The following TENM3 variants were observed in gnomAD, a reference collection of about 807,000 sequenced individuals.
TENM3 encodes the protein teneurin transmembrane protein 3, also known as teneurin-3.
A neutral mutation model predicts 255.1 loss-of-function variants in TENM3; 63 were observed. The observed-to-expected ratio is 0.25, with a 90% confidence interval of 0.20 to 0.30. The LOEUF is 0.30. Ranked by LOEUF, TENM3 falls within the 10% of genes least tolerant of loss-of-function variation. The pLI is 1.00. For synonymous variants in TENM3, 1,306 were observed against 1,322.3 expected (o/e 0.99, Z 0.27); for missense variants, 2,929 against 3,461.1 (o/e 0.85, Z 3.86).
At chr4:181,500,229 A>G in the TENM3 span, among the ~76,000 whole-genome samples, 3 of 151,680 alleles carry the variant, frequency 2.0e-5, no homozygotes, top group Admixed American at 6.6e-5. Context: ...GGGTTTCATC[A>G]TATTGGTCAG....
the TENM3 span, among the ~76,000 whole-genome samples, chr4:181,467,118 TATATA>T: frequency 3.0e-5 from 2 of 66,372 alleles, no homozygotes; most frequent in African/African-American, 1.1e-4. Flanking sequence ...TATATATATA[TATATA>T]TATTTTTTTT....
At chr4:181,834,568 G>A in the TENM3 span, among the ~76,000 whole-genome samples, 1 of 152,150 alleles carries the variant, frequency 6.6e-6, no homozygotes, top group South Asian at 2.1e-4. Flanking sequence ...CACCTCACCA[G>A]GACAAACTCA....
the TENM3 span, among the ~76,000 whole-genome samples, chr4:181,838,974 T>G: frequency 6.6e-6 from 1 of 151,808 alleles, no homozygotes; most frequent in African/African-American, 2.4e-5. Context: ...TAGTCTTCTT[T>G]TCTAATATAA....
chr4:182,332,873 A>G (rs1763872187), intron 2 of TENM3, among the ~76,000 whole-genome samples: 1 of 152,196 alleles, frequency 6.6e-6, no homozygotes, highest in Non-Finnish European at 1.5e-5. Flanking sequence ...CTGATTAAGA[A>G]ATAATGAGAA....
At chr4:181,905,932 A>G in the TENM3 span, 4 of 570,674 alleles carry the variant, frequency 7.0e-6, no homozygotes, top group South Asian at 4.5e-5. Context: ...CATTGCTCCA[A>G]CTTCGGTTTC....
chr4:182,214,098 A>G (rs181142413), intron 1 of TENM3, among the ~76,000 whole-genome samples: 36 of 151,994 alleles, frequency 2.4e-4, no homozygotes, highest in Admixed American at 5.9e-4. Flanking sequence ...CACCGCGCCT[A>G]GCCAGAAATG....
intron 5 of TENM3, among the ~76,000 whole-genome samples, chr4:182,633,235 G>A (rs558932625): frequency 4.0e-4 from 61 of 152,238 alleles, no homozygotes; most frequent in African/African-American, 1.3e-3. Context: ...GTGCCCAGCC[G>A]AGGATTTTTA....
intron 1 of TENM3, among the ~76,000 whole-genome samples, chr4:182,313,969 A>T (rs28727907): frequency 0.074 from 11,341 of 152,256 alleles, 501 homozygotes; most frequent in East Asian, 0.13. Context: ...TTATACAATT[A>T]TAAATACATT....
chr4:182,335,852 C>G (rs999201471), intron 2 of TENM3, among the ~76,000 whole-genome samples: 1 of 152,012 alleles, frequency 6.6e-6, no homozygotes, highest in Non-Finnish European at 1.5e-5. Flanking sequence ...AGATAAACAG[C>G]CCAATGGGAA....
chr4:181,591,861 G>C, the TENM3 span, among the ~76,000 whole-genome samples: 1 of 152,032 alleles, frequency 6.6e-6, no homozygotes, highest in Non-Finnish European at 1.5e-5. Flanking sequence ...GACTGCTGCA[G>C]TGTAGAATGC....
intron 3 of TENM3, among the ~76,000 whole-genome samples, chr4:182,541,645 G>C (rs748538411): frequency 6.6e-6 from 1 of 152,144 alleles, no homozygotes; most frequent in African/African-American, 2.4e-5. Flanking sequence ...CTCATTACTA[G>C]CAATTCAGCA....
the TENM3 span, among the ~76,000 whole-genome samples, chr4:181,507,474 C>T: frequency 6.6e-6 from 1 of 152,276 alleles, no homozygotes; most frequent in Non-Finnish European, 1.5e-5. Flanking sequence ...CTTTTTCTGC[C>T]GGCACATATT....
chr4:182,754,914 C>T lies in TENM3; in HGVS notation c.4547C>T (p.Pro1516Leu). The T allele has an allele frequency of 1.2e-6, 2 of 1,614,010 alleles. No homozygotes were observed. Among genetic ancestry groups the T allele is most frequent in the Non-Finnish European group, 8.5e-7 (1 of 1,179,896 alleles). Residue 1516 changes from proline to leucine, a missense_variant, in exon 22 of 28, where the codon CCA (proline) becomes CTA (leucine). This residue lies in a region of TENM3 where 1,608 missense variants were observed against 1,884.4 expected (regional missense o/e 0.85). Coordinates refer to ENST00000511685, the MANE Select transcript of TENM3 (RefSeq NM_001080477.4). The surrounding 1 kb of genome is among the most constrained non-coding windows in gnomAD (Gnocchi z 5.1). ...NSMNFYEVAS[P>L]TDQELYIFDI... ...ATGAACTTCTATGAAGTTGCGTCTC[C>T]AACTGATCAAGAACTCTACATCTTT...
At chr4:181,582,382 C>A in the TENM3 span, among the ~76,000 whole-genome samples, 1 of 152,088 alleles carries the variant, frequency 6.6e-6, no homozygotes, top group Non-Finnish European at 1.5e-5. Context: ...ATCTGAATTG[C>A]CTGATACTGA....
chr4:181,872,114 T>C, the TENM3 span, among the ~76,000 whole-genome samples: 11 of 152,176 alleles, frequency 7.2e-5, no homozygotes, highest in African/African-American at 2.2e-4. Context: ...CTTTTGTGTT[T>C]TCTTAAATAA....
At chr4:181,533,297 C>T in the TENM3 span, among the ~76,000 whole-genome samples, 1 of 152,174 alleles carries the variant, frequency 6.6e-6, no homozygotes. Flanking sequence ...TTACAGGCCA[C>T]TGACCTATTG....
At chr4:181,885,258 G>C in the TENM3 span, among the ~76,000 whole-genome samples, 1 of 152,158 alleles carries the variant, frequency 6.6e-6, no homozygotes, top group Non-Finnish European at 1.5e-5. Context: ...ACTTTAAAGA[G>C]ATTCAAGTTT....
chr4:182,510,247 G>C (rs12648747), intron 3 of TENM3, among the ~76,000 whole-genome samples: 1 of 152,206 alleles, frequency 6.6e-6, no homozygotes, highest in South Asian at 2.1e-4. Flanking sequence ...GTGTTTCTTA[G>C]AAAACTACAA....
chr4:181,730,854 C>T, the TENM3 span, among the ~76,000 whole-genome samples: 2 of 152,048 alleles, frequency 1.3e-5, no homozygotes, highest in African/African-American at 2.4e-5. Context: ...AGTAAAAATG[C>T]GACTCATGCT....
Sources: allele counts gnomAD v4.1 joint callset (sites outside exome capture counted in the v4.1 genomes callset), GRCh38; gene constraint gnomAD v4.1.1; regional missense constraint gnomAD v4.1.1; non-coding constraint Gnocchi (gnomAD v3.1); transcripts MANE v1.5; gene names NCBI Gene and HGNC (gene_info 2026-07-23, HGNC 2026-07-21).